Variants in SYT9 observed in about 807,000 individuals in gnomAD.
The protein encoded by SYT9 is synaptotagmin 9.
SYT9 carries 22 observed loss-of-function variants against 48.4 expected under a neutral mutation model. The ratio of observed to expected loss-of-function variants is 0.45; its 90% confidence interval spans 0.32 to 0.65. The LOEUF is 0.65. SYT9 is among the 30% of genes least tolerant of loss of function. SYT9 has a pLI of 0.03. For synonymous variants in SYT9, 265 were observed against 245.0 expected (o/e 1.08, Z -0.76); for missense variants, 577 against 622.0 (o/e 0.93, Z 0.77).
At chr11:7,259,496 T>C (rs983596662) in intron 1 of SYT9, among the ~76,000 whole-genome samples, 2 of 152,174 alleles carry the variant, frequency 1.3e-5, no homozygotes. Context: ...TTCTGGTAGA[T>C]CTATGTTAGT....
intron 3 of SYT9, among the ~76,000 whole-genome samples, chr11:7,334,421 T>G (rs1470890305): frequency 3.3e-5 from 5 of 152,128 alleles, no homozygotes; most frequent in African/African-American, 9.7e-5. Flanking sequence ...TTAATAGACA[T>G]GGAGAAAAGT....
At chr11:7,272,058 G>T (rs905508915) in intron 1 of SYT9, among the ~76,000 whole-genome samples, 1 of 152,034 alleles carries the variant, frequency 6.6e-6, no homozygotes, top group Non-Finnish European at 1.5e-5. Context: ...CACATATCCT[G>T]GGCAGTCCAT....
At chr11:7,329,546 C>CAGTG in intron 3 of SYT9, among the ~76,000 whole-genome samples, 1 of 152,226 alleles carries the variant, frequency 6.6e-6, no homozygotes, top group South Asian at 2.1e-4. Flanking sequence ...GGAAAGAAGG[C>CAGTG]AGTGATAAGT....
chr11:7,245,002 T>G (rs1025884523), intron 1 of SYT9, among the ~76,000 whole-genome samples: 2 of 152,198 alleles, frequency 1.3e-5, no homozygotes, highest in African/African-American at 4.8e-5. Flanking sequence ...GCAGCACACG[T>G]AGAAGACAGA....
intron 6 of SYT9, among the ~76,000 whole-genome samples, chr11:7,425,166 T>A (rs999406343): frequency 3.3e-5 from 5 of 152,164 alleles, no homozygotes; most frequent in Non-Finnish European, 5.9e-5. Context: ...AAGATTTGAT[T>A]AGGTGTCCAT....
intron 6 of SYT9, among the ~76,000 whole-genome samples, chr11:7,421,601 C>T (rs1847355006): frequency 6.6e-6 from 1 of 152,130 alleles, no homozygotes. Context: ...TCATTCACTC[C>T]CTCCCCCTTT....
intron 6 of SYT9, chr11:7,428,154 T>C (rs1003580295): frequency 6.6e-6 from 1 of 152,204 alleles, no homozygotes; most frequent in African/African-American, 2.4e-5. Context: ...ATACAAAACA[T>C]AGGAGTACTT....
In SYT9 at chr11:7,315,233, T is replaced by C. The variant is rs535673613; in HGVS notation, c.1044+1292T>C. Among the ~76,000 whole-genome samples, 4 of 152,298 alleles carry C rather than the reference T, an allele frequency of 2.6e-5. No homozygotes were observed. In the South Asian group the frequency reaches 8.3e-4, roughly 32 times the overall value. On this transcript the variant is annotated intron_variant, in intron 3 of 6. Transcript: ENST00000318881. ...TGGGGAAGGAATAGGTCTCTTTATC[T>C]TAAAAGATAATAATACACATAAACC...
rs1847902676 is a variant in SYT9 at position 7,252,976 on chromosome 11, C to G, written c.145+645C>G. On this transcript the variant is annotated intron_variant, in intron 1 of 6. Coordinates refer to ENST00000318881, the MANE Select transcript of SYT9 (RefSeq NM_175733.4). This position sits in a 1 kb window ranked among gnomAD's most constrained non-coding sequence, Gnocchi z 6.3. ...GCTAGGCTCGACCAGCGACTACCGC[C>G]GGCCACGATGGGGTTCGTAGACTCG... is the stretch of plus-strand genomic sequence containing the variant. 6.6e-6 allele frequency among the ~76,000 whole-genome samples: 1 copy of G among 152,222 alleles called. No individual in the cohort carries two copies. Among genetic ancestry groups the G allele is most frequent in the Admixed American group, 6.5e-5 (1 of 15,292 alleles).
chr11:7,467,910 C>A lies in SYT9; in HGVS notation c.*1110C>A, dbSNP rs1848360932. 5.1e-6 allele frequency: 1 copy of A among 196,922 alleles called. No homozygotes were observed. The highest frequency in any genetic ancestry group is 1.0e-5 in the Non-Finnish European group (1 of 97,960). The allele number at this position is 196,922 out of a possible 1,614,324, so 12.2% of individuals were successfully genotyped here. ...CAAGAGTGAAGGTCAAGGGCCCTCC[C>A]CAGGCATCTCATTCATTACTCAGCT... is the stretch of plus-strand genomic sequence containing the variant. On this transcript the variant is annotated 3_prime_UTR_variant, in exon 7 of 7. Coordinates refer to ENST00000318881, the MANE Select transcript of SYT9 (RefSeq NM_175733.4).
intron 6 of SYT9, among the ~76,000 whole-genome samples, chr11:7,455,154 A>G (rs190971990): frequency 1.3e-5 from 2 of 152,062 alleles, no homozygotes; most frequent in Admixed American, 6.6e-5. Context: ...CTTATCTTGT[A>G]TCCTCTTTTC....
intron 3 of SYT9, among the ~76,000 whole-genome samples, chr11:7,370,258 A>G (rs1850338120): frequency 6.6e-6 from 1 of 152,150 alleles, no homozygotes; most frequent in Admixed American, 6.6e-5. Flanking sequence ...CTTGAAAAGT[A>G]TTTCATAGTG....
chr11:7,281,053 T>G (rs1210147180), intron 1 of SYT9, among the ~76,000 whole-genome samples: 1 of 152,258 alleles, frequency 6.6e-6, no homozygotes, highest in African/African-American at 2.4e-5. Flanking sequence ...TTCTGTGAGC[T>G]GAGTCTAATT....
intron 3 of SYT9, among the ~76,000 whole-genome samples, chr11:7,322,566 G>A (rs1849356003): frequency 6.6e-6 from 1 of 152,144 alleles, no homozygotes; most frequent in South Asian, 2.1e-4. Context: ...CAGCACTGTA[G>A]AACAGCACAA....
At chr11:7,387,709 A>C (rs1023868159) in intron 3 of SYT9, among the ~76,000 whole-genome samples, 1 of 152,150 alleles carries the variant, frequency 6.6e-6, no homozygotes, top group Admixed American at 6.6e-5. Flanking sequence ...TGCTCTCTTT[A>C]AGAAAATTCC....
chr11:7,262,545 G>A (rs11041288), intron 1 of SYT9, among the ~76,000 whole-genome samples: 48,527 of 151,852 alleles, frequency 0.32, 7,776 homozygotes, highest in South Asian at 0.42. Context: ...GAACTACAAA[G>A]GAAGATTAAT....
intron 3 of SYT9, among the ~76,000 whole-genome samples, chr11:7,400,387 C>T (rs1846865160): frequency 6.6e-6 from 1 of 152,196 alleles, no homozygotes; most frequent in Non-Finnish European, 1.5e-5. Flanking sequence ...AATATACCTT[C>T]AGAGTCTGTC....
chr11:7,304,660 G>A (rs759666962), intron 2 of SYT9, among the ~76,000 whole-genome samples: 2 of 152,170 alleles, frequency 1.3e-5, no homozygotes, highest in Admixed American at 6.5e-5. Context: ...CTGAATCAAA[G>A]AGCCAAATCT....
chr11:7,454,531 G>A (rs1343239891), intron 6 of SYT9, among the ~76,000 whole-genome samples: 2 of 152,194 alleles, frequency 1.3e-5, no homozygotes, highest in Non-Finnish European at 2.9e-5. Context: ...GATAACACGA[G>A]TGAAGACAAT....
Sources: allele counts gnomAD v4.1 joint callset (sites outside exome capture counted in the v4.1 genomes callset), GRCh38; gene constraint gnomAD v4.1.1; non-coding constraint Gnocchi (gnomAD v3.1); transcripts MANE v1.5; gene names NCBI Gene and HGNC (gene_info 2026-07-23, HGNC 2026-07-21).